The following PPIL6 variants were observed in gnomAD, a reference collection of about 807,000 sequenced individuals.
PPIL6 encodes probable inactive peptidyl-prolyl cis-trans isomerase-like 6.
In PPIL6, 39 loss-of-function variants were observed where a neutral mutation model predicts 36.8. The observed-to-expected ratio is 1.06, with a 90% confidence interval of 0.82 to 1.38. PPIL6 has a LOEUF of 1.38. PPIL6 is among the 40% of genes most tolerant of loss of function. The probability of loss-of-function intolerance (pLI) is 0.00; values close to 1 mark genes in which losing one functional copy is unlikely to be tolerated. For missense variants in PPIL6, 368 were observed against 379.1 expected, an observed-to-expected ratio of 0.97 and a Z score of 0.24; for synonymous variants, 123 against 134.1, an observed-to-expected ratio of 0.92 and a Z score of 0.57.
intron 6 of PPIL6, among the ~76,000 whole-genome samples, chr6:109,417,693 T>C (rs1174221892): frequency 1.3e-5 from 2 of 152,230 alleles, no homozygotes; most frequent in South Asian, 2.1e-4. Flanking sequence ...CTTGTATGCC[T>C]GATAGCAAAA....
Position 109,428,804 on chromosome 6 carries a change from T to C in PPIL6, c.421-1648A>G, listed in dbSNP as rs145709854. 3.1e-4 allele frequency among the ~76,000 whole-genome samples: 47 copies of C among 152,226 alleles called. No homozygotes were observed. The East Asian group carries it at 8.7e-3, about 28-fold the overall frequency. ...ACAAGTTTTTAAGTATAAAACAGAATAGTGTAACTAAAGAATAGGAGGCAT... is the reference window on the plus strand; with the variant it reads ...ACAAGTTTTTAAGTATAAAACAGAACAGTGTAACTAAAGAATAGGAGGCAT... On this transcript the variant is annotated intron_variant, in intron 3 of 7. Coordinates refer to ENST00000521072, the MANE Select transcript of PPIL6 (RefSeq NM_173672.5).
rs75107116 is a variant in PPIL6, at chr6:109,432,556, A to G, written c.232-1211T>C. 3.2e-4 allele frequency among the ~76,000 whole-genome samples: 48 copies of G among 152,274 alleles called. No homozygotes were observed. In the East Asian group the frequency reaches 9.3e-3, roughly 29 times the overall value. On this transcript the variant is annotated intron_variant, in intron 2 of 7. Transcript: ENST00000521072. ...TTCTCATTGATCTCAGATTCTCAGA[A>G]TCACAGAATCTGAGTCCCCTCTCCC...
Position 109,392,827 on chromosome 6 carries a change from C to T in PPIL6, c.935G>A (p.Ter312=), listed in dbSNP as rs1377063881. ...RITDSGDPYA[*] The stretch of plus-strand genomic sequence containing the variant: ...TCACAGAAAATATTGATATGAAAAT[C>T]AAGCATAAGGATCTCCACTGTCAGT... The change falls in exon 8 of 8, where the codon TGA becomes TAA. Residue 312 remains the stop codon, a stop_retained_variant. Transcript: ENST00000521072. 1 of 1,458,690 alleles carries T rather than the reference C, an allele frequency of 6.9e-7. No individual in the cohort carries two copies. Among genetic ancestry groups the T allele is most frequent in the Non-Finnish European group, 9.5e-7 (1 of 1,057,942 alleles). 90.4% of individuals were successfully genotyped at this position (1,458,690 alleles called of 1,614,324 possible). A position where few individuals can be genotyped will look rare whatever the true frequency, so the allele number is the denominator to read the frequency against.
intron 6 of PPIL6, among the ~76,000 whole-genome samples, chr6:109,403,803 G>C (rs1453029268): frequency 1.3e-5 from 2 of 152,114 alleles, no homozygotes; most frequent in Admixed American, 6.6e-5. Flanking sequence ...AGTGAGTTTT[G>C]TGGTTGCAGT....
chr6:109,438,088 G>A (rs1397508681), intron 1 of PPIL6, among the ~76,000 whole-genome samples: 1 of 151,876 alleles, frequency 6.6e-6, no homozygotes, highest in African/African-American at 2.4e-5. Context: ...TATAATAATT[G>A]CACATATTTA....
intron 5 of PPIL6, among the ~76,000 whole-genome samples, chr6:109,419,913 C>A (rs1176443521): frequency 6.6e-6 from 1 of 152,084 alleles, no homozygotes; most frequent in African/African-American, 2.4e-5. Context: ...ATTGTGGTCA[C>A]AATTTTTCAA....
chr6:109,435,954 T>G (rs1269893042), intron 2 of PPIL6, 150 bp downstream of exon 2: 7 of 676,088 alleles, frequency 1.0e-5, no homozygotes, highest in Non-Finnish European at 1.6e-5. Context: ...TGGTAAATGA[T>G]TAATACAATT....
At chr6:109,427,675 C>T (rs1487566047) in intron 3 of PPIL6, among the ~76,000 whole-genome samples, 6 of 152,092 alleles carry the variant, frequency 3.9e-5, no homozygotes, top group South Asian at 2.1e-4. Context: ...CGTGAGCTAC[C>T]GCCGCACCCA....
intron 6 of PPIL6, among the ~76,000 whole-genome samples, chr6:109,414,618 A>G (rs1239646879): frequency 6.6e-6 from 1 of 150,816 alleles, no homozygotes; most frequent in Admixed American, 6.6e-5. Context: ...CCAGGTAGCT[A>G]GGATTACAGG....
intron 5 of PPIL6, among the ~76,000 whole-genome samples, chr6:109,425,728 C>T (rs904618816): frequency 3.0e-5 from 4 of 132,342 alleles, no homozygotes; most frequent in East Asian, 4.4e-4. Context: ...ACAGCCTGGG[C>T]GACAGAGCGA....
chr6:109,426,805 T>G, intron 5 of PPIL6, 42 bp downstream of exon 5: 1 of 1,355,594 alleles, frequency 7.4e-7, no homozygotes, highest in South Asian at 1.6e-5. Context: ...GACCTTCTCA[T>G]TTGATATTGC....
In PPIL6 at chr6:109,436,111, T is replaced by A; in HGVS notation, c.224A>T (p.Lys75Ile). The change falls in exon 2 of 8, where the codon AAA (lysine) becomes ATA (isoleucine). Residue 75 changes from lysine (K) to isoleucine (I), a missense_variant. Coordinates refer to ENST00000521072, the MANE Select transcript of PPIL6 (RefSeq NM_173672.5). The stretch of plus-strand genomic sequence containing the variant: ...ACCCCAAATATCCTTTACCCTTTTT[T>A]TCTCCTGTAGATATTGATGCCATGC... ...EFAWHQYLQE[K>I]KRELKNETWE... 6.5e-7 allele frequency: 1 copy of A among 1,546,750 alleles called. No homozygotes were observed. The highest frequency in any genetic ancestry group is 8.9e-7 in the Non-Finnish European group (1 of 1,119,380).
At chr6:109,410,890 G>A (rs915266923) in intron 6 of PPIL6, among the ~76,000 whole-genome samples, 7 of 152,050 alleles carry the variant, frequency 4.6e-5, no homozygotes, top group African/African-American at 7.2e-5. Flanking sequence ...AGGGTGTCCC[G>A]CCACCCCCAT....
intron 6 of PPIL6, among the ~76,000 whole-genome samples, chr6:109,402,203 GCTAC>G (rs1210403832): frequency 6.6e-6 from 1 of 152,156 alleles, no homozygotes; most frequent in African/African-American, 2.4e-5. Context: ...CAAAGAAACT[GCTAC>G]CTATGTGAAA....
At chr6:109,406,279 T>C (rs1029635887) in intron 6 of PPIL6, among the ~76,000 whole-genome samples, 2 of 151,882 alleles carry the variant, frequency 1.3e-5, no homozygotes, top group African/African-American at 4.8e-5. Context: ...TTTGAACTCC[T>C]GGGCTCAAGC....
chr6:109,432,132 C>T (rs1357767796), intron 2 of PPIL6, among the ~76,000 whole-genome samples: 8 of 152,168 alleles, frequency 5.3e-5, no homozygotes, highest in African/African-American at 1.9e-4. Flanking sequence ...TCCTAAAGCA[C>T]ATTTTACTGT....
At chr6:109,438,338 C>T (rs535272682) in intron 1 of PPIL6, among the ~76,000 whole-genome samples, 29 of 151,704 alleles carry the variant, frequency 1.9e-4, no homozygotes, top group African/African-American at 5.8e-4. Flanking sequence ...CCCAGCACTT[C>T]GGGAGGTCGA....
At chr6:109,417,975 CATT>C (rs1773350632) in intron 6 of PPIL6, 1 of 152,140 alleles carries the variant, frequency 6.6e-6, no homozygotes, top group Non-Finnish European at 1.5e-5. Flanking sequence ...CCTGAATAAA[CATT>C]ATTTTCTTTC....
At chr6:109,430,023 T>C (rs971261984) in intron 3 of PPIL6, among the ~76,000 whole-genome samples, 1 of 152,168 alleles carries the variant, frequency 6.6e-6, no homozygotes, top group Non-Finnish European at 1.5e-5. Flanking sequence ...AATTAACTGT[T>C]TGAACATTAA....
Sources: allele counts gnomAD v4.1 joint callset (sites outside exome capture counted in the v4.1 genomes callset), GRCh38; gene constraint gnomAD v4.1.1; transcripts MANE v1.5; gene names NCBI Gene and HGNC (gene_info 2026-07-23, HGNC 2026-07-21).